The following LRBA variants were observed in gnomAD, a reference collection of about 807,000 sequenced individuals.
LRBA encodes the protein lipopolysaccharide-responsive and beige-like anchor protein.
In LRBA, 176 loss-of-function variants were observed where a neutral mutation model predicts 330.0. The ratio of observed to expected loss-of-function variants is 0.53; its 90% CI spans 0.47 to 0.60. The LOEUF (loss-of-function observed/expected upper bound fraction) is 0.60, where lower values mean the gene tolerates loss of function less well. Among genes scored for constraint, LRBA ranks in the 20% least tolerant of loss-of-function variants. LRBA has a pLI of 0.00. For synonymous variants in LRBA, 1,230 were observed against 1,193.0 expected, an observed-to-expected ratio of 1.03 and a Z score of -0.64; for missense variants, 3,259 against 3,444.8, an observed-to-expected ratio of 0.95 and a Z score of 1.35.
intron 2 of LRBA, among the ~76,000 whole-genome samples, chr4:150,958,242 T>C (rs934395535): frequency 1.3e-5 from 2 of 148,962 alleles, no homozygotes; most frequent in Non-Finnish European, 2.9e-5. Context: ...AGGTGGAGGT[T>C]CCCAAACCTC....
At chr4:150,462,426 A>G (rs1754890075) in intron 44 of LRBA, among the ~76,000 whole-genome samples, 2 of 151,840 alleles carry the variant, frequency 1.3e-5, no homozygotes, top group African/African-American at 4.8e-5. Context: ...CTAATTTGGA[A>G]TGATTATAAA....
chr4:150,917,364 G>C (rs1410114538), intron 5 of LRBA, among the ~76,000 whole-genome samples: 2 of 152,004 alleles, frequency 1.3e-5, no homozygotes, highest in Non-Finnish European at 2.9e-5. Flanking sequence ...AATTAAAAGA[G>C]ATAGGAAGTG....
intron 17 of LRBA, 37 bp downstream of exon 17, chr4:150,893,015 A>G: frequency 7.9e-7 from 1 of 1,273,564 alleles, no homozygotes; most frequent in Non-Finnish European, 1.1e-6. Flanking sequence ...ATATTTCCAA[A>G]CTAATCCCTT....
chr4:150,775,396 T>C (rs1737137231), intron 34 of LRBA, among the ~76,000 whole-genome samples: 1 of 151,088 alleles, frequency 6.6e-6, no homozygotes, highest in Non-Finnish European at 1.5e-5. Flanking sequence ...TACATATGAA[T>C]TAGTGATCCA....
At chr4:150,778,172 G>T (rs1737682472) in intron 34 of LRBA, among the ~76,000 whole-genome samples, 1 of 151,978 alleles carries the variant, frequency 6.6e-6, no homozygotes, top group Admixed American at 6.6e-5. Flanking sequence ...ATAAAGGAAA[G>T]ATTTTATTCT....
intron 40 of LRBA, among the ~76,000 whole-genome samples, chr4:150,576,639 C>G (rs1453276298): frequency 1.3e-5 from 2 of 151,796 alleles, no homozygotes; most frequent in African/African-American, 2.4e-5. Flanking sequence ...CCCTGATATA[C>G]AGCATACTCT....
intron 40 of LRBA, among the ~76,000 whole-genome samples, chr4:150,569,565 T>C (rs1769585035): frequency 6.6e-6 from 1 of 152,154 alleles, no homozygotes; most frequent in Non-Finnish European, 1.5e-5. Context: ...ATAACTACTA[T>C]AACTGTACAG....
At chr4:150,952,444 G>GTCTT (rs1419300739) in intron 2 of LRBA, among the ~76,000 whole-genome samples, 1 of 152,074 alleles carries the variant, frequency 6.6e-6, no homozygotes, top group Non-Finnish European at 1.5e-5. Flanking sequence ...TAGACAGTCA[G>GTCTT]TCTTTCATTT....
intron 47 of LRBA, among the ~76,000 whole-genome samples, chr4:150,376,867 T>A (rs1278268742): frequency 6.6e-6 from 1 of 152,096 alleles, no homozygotes; most frequent in Non-Finnish European, 1.5e-5. Context: ...AAAAAGTAGA[T>A]GAGACCTTGG....
At chr4:150,584,231 C>T in intron 40 of LRBA, 2 of 1,109,382 alleles carry the variant, frequency 1.8e-6, no homozygotes, top group South Asian at 3.0e-5. Context: ...AATAGGAATC[C>T]GGCAGAAGAC....
intron 36 of LRBA, among the ~76,000 whole-genome samples, chr4:150,717,148 G>A (rs952103902): frequency 3.9e-5 from 6 of 152,084 alleles, no homozygotes; most frequent in Admixed American, 6.6e-5. Flanking sequence ...ACTGAGCCTC[G>A]CTGTAGTTTT....
rs1361260000 is a variant in LRBA, at chr4:150,959,110, G to C, written c.217-30045C>G. Reference sequence around the variant, plus strand: ...TACCTGAGACTGGGTAATTTACAAAGGCAAGAGGATTAACGGACTCACAGT... The same window carrying C: ...TACCTGAGACTGGGTAATTTACAAACGCAAGAGGATTAACGGACTCACAGT... On this transcript the variant is annotated intron_variant, in intron 2 of 56. Coordinates refer to ENST00000651943, the MANE Select transcript of LRBA (RefSeq NM_001364905.1). Among the ~76,000 whole-genome samples the C allele has an allele frequency of 3.3e-5, 5 of 149,334 alleles. 1 individual carries two copies. The highest frequency in any genetic ancestry group is 1.9e-4 in the East Asian group (1 of 5,198).
chr4:150,828,911 T>C (rs1466832511), intron 29 of LRBA, among the ~76,000 whole-genome samples: 1 of 141,856 alleles, frequency 7.0e-6, no homozygotes, highest in Non-Finnish European at 1.5e-5. Flanking sequence ...AAGTCTATAA[T>C]CTTTTTTGGG....
intron 46 of LRBA, among the ~76,000 whole-genome samples, chr4:150,430,455 C>A (rs1012923311): frequency 2.0e-5 from 3 of 152,150 alleles, no homozygotes; most frequent in African/African-American, 7.2e-5. Context: ...CCTCTTCCTT[C>A]TCTTCATTTC....
intron 17 of LRBA, among the ~76,000 whole-genome samples, chr4:150,884,679 T>C (rs971513121): frequency 2.0e-5 from 3 of 151,970 alleles, no homozygotes; most frequent in Admixed American, 1.3e-4. Context: ...GCAAACTAAA[T>C]GAGGCAAATT....
chr4:150,406,090 C>T (rs748612437), intron 47 of LRBA, among the ~76,000 whole-genome samples: 4 of 151,184 alleles, frequency 2.6e-5, no homozygotes, highest in South Asian at 2.1e-4. Context: ...TCTATAAATA[C>T]GACTAAGAAA....
chr4:150,315,787 CTTATTAAACAT>C (rs1188427701), intron 50 of LRBA, among the ~76,000 whole-genome samples, 164 bp from the exon 51 acceptor site: 1 of 152,046 alleles, frequency 6.6e-6, no homozygotes, highest in Non-Finnish European at 1.5e-5. Flanking sequence ...TTATGGCTAG[CTTATTAAACAT>C]TTATTTTAGA....
chr4:150,434,810 T>C (rs1750891252), intron 46 of LRBA, among the ~76,000 whole-genome samples: 1 of 151,808 alleles, frequency 6.6e-6, no homozygotes, highest in Non-Finnish European at 1.5e-5. Flanking sequence ...TGAATTGTGA[T>C]TGTGCCACTG....
At position 150,828,579 on chromosome 4, in the gene LRBA, A is replaced by G; in HGVS notation, c.4772T>C (p.Val1591Ala). 6.2e-7 allele frequency: 1 copy of G among 1,614,088 alleles called. No individual in the cohort carries two copies. Among genetic ancestry groups the G allele is most frequent in the Non-Finnish European group, 8.5e-7 (1 of 1,179,994 alleles). Reference sequence around the variant, plus strand: ...AGATGATGTGCTTTCAGATTCTTCCACTGATGCCGTAGTTAAAGTGCTGAA... The same window carrying G: ...AGATGATGTGCTTTCAGATTCTTCCGCTGATGCCGTAGTTAAAGTGCTGAA... ...AAFSTLTTAS[V>A]EESESTSSAR... The change falls in exon 30 of 57, where the codon GTG (valine) becomes GCG (alanine). Residue 1591 changes from valine (V) to alanine (A), a missense_variant. Physicochemically the swap from Val to Ala is moderately conservative, Grantham distance 64. Coordinates refer to ENST00000651943, the MANE Select transcript of LRBA (RefSeq NM_001364905.1).
Sources: allele counts gnomAD v4.1 joint callset (sites outside exome capture counted in the v4.1 genomes callset), GRCh38; gene constraint gnomAD v4.1.1; transcripts MANE v1.5; gene names NCBI Gene and HGNC (gene_info 2026-07-23, HGNC 2026-07-21).